Variants in RPA3 observed in about 807,000 individuals in gnomAD.
RPA3 encodes replication protein A3.
In RPA3, 24 loss-of-function variants were observed where a neutral mutation model predicts 13.7. The observed-to-expected ratio is 1.75, with a 90% CI of 1.27 to 2.46. The LOEUF (loss-of-function observed/expected upper bound fraction) is 2.46. RPA3 is among the 30% of genes most tolerant of loss of function. The probability of loss-of-function intolerance (pLI) is 0.00; values close to 1 mark genes in which losing one functional copy is unlikely to be tolerated. For synonymous variants in RPA3, 59 were observed against 51.2 expected (o/e 1.15, Z -0.65); for missense variants, 183 against 151.0 (o/e 1.21, Z -1.11).
At chr7:7,657,627 T>A (rs1181917924) in intron 4 of RPA3, among the ~76,000 whole-genome samples, 1 of 152,128 alleles carries the variant, frequency 6.6e-6, no homozygotes, top group Non-Finnish European at 1.5e-5. Flanking sequence ...GTTGTAGATG[T>A]GTGGTATTAT....
At chr7:7,703,523 C>T (rs755804711) in intron 2 of RPA3, among the ~76,000 whole-genome samples, 1 of 152,014 alleles carries the variant, frequency 6.6e-6, no homozygotes, top group Non-Finnish European at 1.5e-5. Context: ...CTTTTTGTAA[C>T]CTATATTGAA....
At chr7:7,689,153 T>C (rs1780111808) in intron 2 of RPA3, among the ~76,000 whole-genome samples, 1 of 152,054 alleles carries the variant, frequency 6.6e-6, no homozygotes, top group African/African-American at 2.4e-5. Context: ...TAATTCACCT[T>C]GCCAGTGATT....
intron 4 of RPA3, among the ~76,000 whole-genome samples, chr7:7,677,664 G>GTTTTTTTTTT (rs141602455): frequency 1.8e-5 from 2 of 113,502 alleles, no homozygotes; most frequent in Admixed American, 9.9e-5. Context: ...CTGTTTTTTT[G>GTTTTTTTTTT]TTTTTTTTTT....
chr7:7,638,429 A>T (rs1784899227), intron 6 of RPA3: 1 of 153,258 alleles, frequency 6.5e-6, no homozygotes, highest in South Asian at 2.0e-4. Context: ...GAACAAAAAT[A>T]GAAAATAAAA....
intron 1 of RPA3, among the ~76,000 whole-genome samples, chr7:7,716,981 C>T (rs1015922378): frequency 6.6e-6 from 1 of 152,078 alleles, no homozygotes; most frequent in Non-Finnish European, 1.5e-5. Context: ...GCCCTGAACC[C>T]GGAAACCCGT....
intron 3 of RPA3, among the ~76,000 whole-genome samples, chr7:7,686,612 T>G (rs13234728): frequency 0.57 from 87,400 of 152,004 alleles, 25,386 homozygotes; most frequent in East Asian, 0.81. Flanking sequence ...AACAACAAAT[T>G]AATAAACTTT....
intron 4 of RPA3, among the ~76,000 whole-genome samples, chr7:7,675,927 C>G (rs564095013): frequency 1.3e-5 from 2 of 152,300 alleles, no homozygotes; most frequent in South Asian, 2.1e-4. Flanking sequence ...CATTTCCCCC[C>G]AGGTGCAAAG....
At chr7:7,687,960 T>C (rs1470039067) in intron 2 of RPA3, among the ~76,000 whole-genome samples, 1 of 152,206 alleles carries the variant, frequency 6.6e-6, no homozygotes, top group Admixed American at 6.5e-5. Context: ...AAAGGAAAAC[T>C]GTAACCCCTG....
intron 4 of RPA3, among the ~76,000 whole-genome samples, chr7:7,649,158 C>CAAAA (rs34943326): frequency 3.8e-4 from 49 of 128,824 alleles, no homozygotes; most frequent in Non-Finnish European, 6.1e-4. Flanking sequence ...GACTCCATCT[C>CAAAA]AAAAAAAAAA....
At chr7:7,638,184 C>T in intron 6 of RPA3, 1 of 412,242 alleles carries the variant, frequency 2.4e-6, no homozygotes, top group South Asian at 3.1e-5. Flanking sequence ...TTAGCAGTAG[C>T]TTCAAGTCCA....
intron 4 of RPA3, among the ~76,000 whole-genome samples, chr7:7,674,144 G>T (rs1385971874): frequency 1.3e-5 from 2 of 152,114 alleles, no homozygotes; most frequent in Non-Finnish European, 2.9e-5. Flanking sequence ...TTTCCTTGTG[G>T]TTCTCATCCT....
intron 2 of RPA3, among the ~76,000 whole-genome samples, chr7:7,698,549 T>C (rs1049719396): frequency 6.6e-6 from 1 of 152,196 alleles, no homozygotes; most frequent in African/African-American, 2.4e-5. Context: ...AAATGTTTTT[T>C]TCTTTTCTTT....
intron 2 of RPA3, among the ~76,000 whole-genome samples, chr7:7,705,578 A>G (rs28912700): frequency 0.034 from 5,135 of 152,290 alleles, 294 homozygotes; most frequent in African/African-American, 0.12. Context: ...TGTTTTCATA[A>G]TCATATTAGT....
chr7:7,670,785 C>G (rs1440243889), intron 4 of RPA3, among the ~76,000 whole-genome samples: 1 of 152,204 alleles, frequency 6.6e-6, no homozygotes, highest in Non-Finnish European at 1.5e-5. Context: ...CAAAACCACT[C>G]CCATTTACAA....
intron 4 of RPA3, among the ~76,000 whole-genome samples, chr7:7,675,380 T>C (rs924632596): frequency 1.3e-5 from 2 of 152,176 alleles, no homozygotes; most frequent in Non-Finnish European, 2.9e-5. Context: ...CAGTGGCTCC[T>C]GGTGCTGCTA....
Position 7,640,383 on chromosome 7 carries a change from G to A in RPA3, c.36C>T (p.Ile12=), listed in dbSNP as rs753294071. 1.2e-6 allele frequency: 2 copies of A among 1,614,080 alleles called. No individual in the cohort carries two copies. The highest frequency in any genetic ancestry group is 4.5e-5 in the East Asian group (2 of 44,878). The stretch of plus-strand genomic sequence containing the variant: ...TGAATTGAGCTAGCATGCCGGCGTT[G>A]ATGCGCGACCTGGGCAAGTCCATCA... ...VDMMDLPRSR[I]NAGMLAQFID... is the part of the protein sequence containing the mutation. Residue 12 remains isoleucine (I), a synonymous_variant, in exon 5 of 8, where the codon ATC becomes ATT. Transcript: ENST00000223129.
intron 2 of RPA3, among the ~76,000 whole-genome samples, chr7:7,706,221 G>A (rs1780595281): frequency 6.6e-6 from 1 of 151,958 alleles, no homozygotes; most frequent in Admixed American, 6.6e-5. Context: ...AGAACAAAAC[G>A]GATAATCACC....
chr7:7,670,153 A>G (rs2115103484), intron 4 of RPA3, among the ~76,000 whole-genome samples: 1 of 152,304 alleles, frequency 6.6e-6, no homozygotes, highest in Non-Finnish European at 1.5e-5. Flanking sequence ...CTTATACTAC[A>G]CTTGAGTTTA....
intron 2 of RPA3, among the ~76,000 whole-genome samples, chr7:7,688,942 T>C (rs928090653): frequency 2.0e-5 from 3 of 152,216 alleles, no homozygotes; most frequent in Non-Finnish European, 4.4e-5. Context: ...ACTTATCTAT[T>C]ACTTGGATTT....
Sources: allele counts gnomAD v4.1 joint callset (sites outside exome capture counted in the v4.1 genomes callset), GRCh38; gene constraint gnomAD v4.1.1; transcripts MANE v1.5; gene names NCBI Gene and HGNC (gene_info 2026-07-23, HGNC 2026-07-21).